PHOX2B: variants seen among roughly 807,000 people sequenced by gnomAD.
The protein encoded by PHOX2B is paired mesoderm homeobox protein 2B.
PHOX2B carries 1 observed loss-of-function variant against 15.5 expected under a neutral mutation model. That is an observed-to-expected ratio of 0.06 (90% CI 0.02 to 0.31). PHOX2B has a LOEUF of 0.31. Among genes scored for constraint, PHOX2B ranks in the 10% least tolerant of loss-of-function variants. PHOX2B has a pLI of 1.00. For synonymous variants in PHOX2B, 206 were observed against 190.5 expected (o/e 1.08, Z -0.67); for missense variants, 314 against 436.4 (o/e 0.72, Z 2.50).
At position 41,746,072 on chromosome 4, in the gene PHOX2B, G is replaced by T. The variant is rs779913205; in HGVS notation, c.680C>A (p.Ala227Glu). Residue 227 changes from alanine (A) to glutamate (E), a missense_variant, in exon 3 of 3, where the codon GCG becomes GAG. Physicochemically the swap from Ala to Glu is moderately radical, Grantham distance 107. This residue lies in a region of PHOX2B where 157 missense variants were observed against 169.0 expected (regional missense o/e 0.93). Transcript: ENST00000226382. ...TTCGCCTCCCGGGCCCCCGGGCCCC[G>T]CCGCCCCCGGAGCTCCAGCCGGGCT... ...GPSPAGAPGA[A>E]GPGGPGGEPG... is the part of the protein sequence containing the mutation. 2 of 1,429,066 alleles carry T rather than the reference G, an allele frequency of 1.4e-6. No homozygotes were observed. Among genetic ancestry groups the T allele is most frequent in the East Asian group, 2.8e-5 (1 of 35,152 alleles). The allele number at this position is 1,429,066 out of a possible 1,614,324, so 88.5% of individuals were successfully genotyped here.
Position 41,745,708 on chromosome 4 carries a change from C to G in PHOX2B, c.*99G>C. 2.8e-6 allele frequency: 4 copies of G among 1,438,346 alleles called. No homozygotes were observed. Among genetic ancestry groups the G allele is most frequent in the Non-Finnish European group, 3.7e-6 (4 of 1,073,512 alleles). The allele number at this position is 1,438,346 out of a possible 1,614,324, so 89.1% of individuals were successfully genotyped here. ...CTCAATGAAAAAGCCATGGCAGCAGCGACGACAATAGCCTTGGGCCTACCC... is the reference window on the plus strand; with the variant it reads ...CTCAATGAAAAAGCCATGGCAGCAGGGACGACAATAGCCTTGGGCCTACCC... On this transcript the variant is annotated 3_prime_UTR_variant, in exon 3 of 3. Transcript: ENST00000226382. This position sits in a 1 kb window ranked among gnomAD's most constrained non-coding sequence, Gnocchi z 4.0.
rs118046131 is a variant in PHOX2B at position 41,744,681 on chromosome 4, G to C, written c.*1126C>G. The C allele has an allele frequency of 2.9e-3, 676 of 233,534 alleles. 15 individuals carry two copies. In the East Asian group the frequency reaches 0.039, roughly 13 times the overall value. The allele number at this position is 233,534 out of a possible 1,614,324, so 14.5% of individuals were successfully genotyped here. ...GATCATTCCAACAGAAATGCAAACC[G>C]AGACACCCCTGCAAACGTGTGTGTG... On this transcript the variant is annotated 3_prime_UTR_variant, in exon 3 of 3. Coordinates refer to ENST00000226382, the MANE Select transcript of PHOX2B (RefSeq NM_003924.4).
intron 2 of PHOX2B, among the ~76,000 whole-genome samples, chr4:41,746,785 G>T (rs1004485085): frequency 1.3e-5 from 2 of 152,164 alleles, no homozygotes; most frequent in Non-Finnish European, 2.9e-5. Context: ...GCGATGGTGC[G>T]CACCGCTTCT....
At chr4:41,747,638 C>T (rs758772402) in intron 1 of PHOX2B, 102 bp from the exon 2 acceptor site, 2 of 945,080 alleles carry the variant, frequency 2.1e-6, no homozygotes, top group East Asian at 4.8e-5. Flanking sequence ...ATACGGCAGC[C>T]GCTACCTACA....
chr4:41,747,819 GA>G, intron 1 of PHOX2B: 1 of 615,980 alleles, frequency 1.6e-6, no homozygotes, highest in South Asian at 1.6e-5. Context: ...CTTTCAGCAG[GA>G]AAAAACCAGA....
Position 41,746,002 on chromosome 4 carries a change from C to G in PHOX2B, c.750G>C (p.Ala250=). The change falls in exon 3 of 3, where the codon GCG becomes GCC. Residue 250 remains alanine (A), a synonymous_variant. Transcript: ENST00000226382. ...CCGCCGCTGCCGCTGCCGCCGCCGC[C>G]GCTGCCGCGGCCGCCGCCGCTGCTG... The part of the protein sequence containing the change: ...GAAAAAAAAA[A]AAAAAAAAAA... 6 of 1,161,826 alleles carry G rather than the reference C, an allele frequency of 5.2e-6. No individual in the cohort carries two copies. The highest frequency in any genetic ancestry group is 4.1e-5 in the East Asian group (1 of 24,108). 72.0% of individuals were successfully genotyped at this position (1,161,826 alleles called of 1,614,324 possible). A position where few individuals can be genotyped will look rare whatever the true frequency, so the allele number is the denominator to read the frequency against.
Position 41,747,656 on chromosome 4 carries a change from G to A in PHOX2B, c.242-120C>T, listed in dbSNP as rs773084544. The A allele has an allele frequency of 9.3e-5, 76 of 813,812 alleles. No individual in the cohort carries two copies. The African/African-American group carries it at 1.1e-3, about 12-fold the overall frequency. 50.4% of individuals were successfully genotyped at this position (813,812 alleles called of 1,614,324 possible). A position where few individuals can be genotyped will look rare whatever the true frequency, so the allele number is the denominator to read the frequency against. On this transcript the variant is annotated intron_variant, in intron 1 of 2. Coordinates refer to ENST00000226382, the MANE Select transcript of PHOX2B (RefSeq NM_003924.4). ...CGGCAGCCGCTACCTACACCCGCGC[G>A]AGAGAGTTGCCGAGAGAAGCTGCGG...
Position 41,744,329 on chromosome 4 carries a change from C to T in PHOX2B, c.*1478G>A, listed in dbSNP as rs1733818821. The T allele has an allele frequency of 4.4e-6, 1 of 228,974 alleles. No individual in the cohort carries two copies. The allele number at this position is 228,974 out of a possible 1,614,324, so 14.2% of individuals were successfully genotyped here. ...ATATATACCATTGTCTGAACCGTGGCCTCTCTAAACACAAAAGATTGAACC... is the reference window on the plus strand; with the variant it reads ...ATATATACCATTGTCTGAACCGTGGTCTCTCTAAACACAAAAGATTGAACC... On this transcript the variant is annotated 3_prime_UTR_variant, in exon 3 of 3. Coordinates refer to ENST00000226382, the MANE Select transcript of PHOX2B (RefSeq NM_003924.4).
At position 41,745,712 on chromosome 4, in the gene PHOX2B, G is replaced by C; in HGVS notation, c.*95C>G. ...ATGAAAAAGCCATGGCAGCAGCGAC[G>C]ACAATAGCCTTGGGCCTACCCGCTC... On this transcript the variant is annotated 3_prime_UTR_variant, in exon 3 of 3. Coordinates refer to ENST00000226382, the MANE Select transcript of PHOX2B (RefSeq NM_003924.4). The surrounding 1 kb of genome is among the most constrained non-coding windows in gnomAD (Gnocchi z 4.0). 9 of 1,461,108 alleles carry C rather than the reference G, an allele frequency of 6.2e-6. No individual in the cohort carries two copies. The highest frequency in any genetic ancestry group is 8.3e-6 in the Non-Finnish European group (9 of 1,090,412). The allele number at this position is 1,461,108 out of a possible 1,614,324, so 90.5% of individuals were successfully genotyped here.
chr4:41,747,913 T>G (rs752841967), intron 1 of PHOX2B, among the ~76,000 whole-genome samples: 1 of 152,068 alleles, frequency 6.6e-6, no homozygotes, highest in Non-Finnish European at 1.5e-5. Context: ...TGGGAACTTT[T>G]CAATTCTCAG....
chr4:41,745,978 C>G lies in PHOX2B; in HGVS notation c.774G>C (p.Ala258=), dbSNP rs1733875411. ...AAAAAAAAAA[A]AAGGLAAAGG... ...CAGCCGCAGCCAGGCCTCCAGCTGCCGCCGCTGCCGCTGCCGCCGCCGCCG... is the reference window on the plus strand; with the variant it reads ...CAGCCGCAGCCAGGCCTCCAGCTGCGGCCGCTGCCGCTGCCGCCGCCGCCG... Residue 258 remains alanine (A), a synonymous_variant, in exon 3 of 3, where the codon GCG becomes GCC. Transcript: ENST00000226382. This position sits in a 1 kb window ranked among gnomAD's most constrained non-coding sequence, Gnocchi z 4.0. The G allele has an allele frequency of 7.8e-7, 1 of 1,284,480 alleles. No homozygotes were observed. The allele number at this position is 1,284,480 out of a possible 1,614,324, so 79.6% of individuals were successfully genotyped here.
chr4:41,747,328 T>C (rs1310193755), intron 2 of PHOX2B, 21 bp downstream of exon 2: 1 of 1,595,898 alleles, frequency 6.3e-7, no homozygotes, highest in Non-Finnish European at 8.5e-7. Flanking sequence ...CGGAGCGGGG[T>C]CGGTTTCCAG....
Position 41,745,952 on chromosome 4 carries a change from C to T in PHOX2B, c.800G>A (p.Gly267Glu). 1 of 1,454,708 alleles carries T rather than the reference C, an allele frequency of 6.9e-7. No homozygotes were observed. Among genetic ancestry groups the T allele is most frequent in the Non-Finnish European group, 9.1e-7 (1 of 1,097,950 alleles). The allele number at this position is 1,454,708 out of a possible 1,614,324, so 90.1% of individuals were successfully genotyped here. A position where few individuals can be genotyped will look rare whatever the true frequency, so the allele number is the denominator to read the frequency against. The change falls in exon 3 of 3, where the codon GGG (glycine) becomes GAG (glutamate). Residue 267 changes from glycine (G) to glutamate (E), a missense_variant. Gly to Glu is a moderately conservative substitution (Grantham distance 98, BLOSUM62 -2). Around this residue, in one of 7 missense-constraint regions of PHOX2B, gnomAD observed 157 missense variants for 169.0 expected, o/e 0.93. Coordinates refer to ENST00000226382, the MANE Select transcript of PHOX2B (RefSeq NM_003924.4). This position sits in a 1 kb window ranked among gnomAD's most constrained non-coding sequence, Gnocchi z 4.0. The stretch of plus-strand genomic sequence containing the variant: ...GGGAGCCCAGCCTTGTCCAGGGCCC[C>T]CAGCCGCAGCCAGGCCTCCAGCTGC... ...AAAAGGLAAAGGPGQGWAPGP... is the reference protein window; with the variant it reads ...AAAAGGLAAAEGPGQGWAPGP...
At position 41,748,572 on chromosome 4, in the gene PHOX2B, G is replaced by A. The variant is rs748767112; in HGVS notation, c.39C>T (p.Ala13=). ...CCATCCCAGCCATACAGGACTCGTA[G>A]GCAGAGGAATTGAGGTAAGAATATT... ...KMEYSYLNSS[A]YESCMAGMDT... is the part of the protein sequence containing the mutation. Residue 13 remains alanine (A), a synonymous_variant, in exon 1 of 3, where the codon GCC becomes GCT. Transcript: ENST00000226382. 32 of 1,613,206 alleles carry A rather than the reference G, an allele frequency of 2.0e-5. No homozygotes were observed. Among genetic ancestry groups the A allele is most frequent in the Non-Finnish European group, 2.5e-5 (30 of 1,179,224 alleles).
Position 41,745,686 on chromosome 4 carries a change from A to C in PHOX2B, c.*121T>G. On this transcript the variant is annotated 3_prime_UTR_variant, in exon 3 of 3. Coordinates refer to ENST00000226382, the MANE Select transcript of PHOX2B (RefSeq NM_003924.4). This position sits in a 1 kb window ranked among gnomAD's most constrained non-coding sequence, Gnocchi z 4.0. The stretch of plus-strand genomic sequence containing the variant: ...CTTAGCGCGATTACTTTAGGCCCTC[A>C]ATGAAAAAGCCATGGCAGCAGCGAC... 2 of 1,299,250 alleles carry C rather than the reference A, an allele frequency of 1.5e-6. No individual in the cohort carries two copies. The highest frequency in any genetic ancestry group is 5.3e-5 in the East Asian group (2 of 37,586). 80.5% of individuals were successfully genotyped at this position (1,299,250 alleles called of 1,614,324 possible). A position where few individuals can be genotyped will look rare whatever the true frequency, so the allele number is the denominator to read the frequency against.
Position 41,747,367 on chromosome 4 carries a change from G to A in PHOX2B, c.411C>T (p.Leu137=), listed in dbSNP as rs749727192. 7 of 1,607,792 alleles carry A rather than the reference G, an allele frequency of 4.4e-6. No homozygotes were observed. The highest frequency in any genetic ancestry group is 1.3e-5 in the African/African-American group (1 of 74,914). The part of the protein sequence containing the change: ...TREELALKID[L]TEARVQVWFQ... ...CGCGTACCTGGACTCGCGCCTCTGTGAGGTCGATCTTCAGGGCCAGCTCCT... is the reference window on the plus strand; with the variant it reads ...CGCGTACCTGGACTCGCGCCTCTGTAAGGTCGATCTTCAGGGCCAGCTCCT... The change falls in exon 2 of 3, where the codon CTC becomes CTT. Residue 137 remains leucine (L), a synonymous_variant. Transcript: ENST00000226382.
chr4:41,747,845 A>C, intron 1 of PHOX2B: 1 of 572,310 alleles, frequency 1.7e-6, no homozygotes, highest in East Asian at 3.7e-5. Context: ...AAAAAAATCC[A>C]AAAACATCAG....
In PHOX2B at chr4:41,745,316, G is replaced by C; in HGVS notation, c.*491C>G. 4.3e-6 allele frequency: 1 copy of C among 233,918 alleles called. No homozygotes were observed. Among genetic ancestry groups the C allele is most frequent in the Non-Finnish European group, 8.4e-6 (1 of 118,470 alleles). 14.5% of individuals were successfully genotyped at this position (233,918 alleles called of 1,614,324 possible). ...GTTGTTGGCTTTTTGTTTTTTAATG[G>C]TTTCTGCCTTCCAACTTTTTTGTTT... is the stretch of plus-strand genomic sequence containing the variant. On this transcript the variant is annotated 3_prime_UTR_variant, in exon 3 of 3. Coordinates refer to ENST00000226382, the MANE Select transcript of PHOX2B (RefSeq NM_003924.4). The surrounding 1 kb of genome is among the most constrained non-coding windows in gnomAD (Gnocchi z 4.0).
chr4:41,746,970 A>G (rs964519231), intron 2 of PHOX2B, among the ~76,000 whole-genome samples: 3 of 151,596 alleles, frequency 2.0e-5, no homozygotes, highest in Admixed American at 6.6e-5. Flanking sequence ...CCAGGTTAAA[A>G]GCACTTGAGT....
Sources: allele counts gnomAD v4.1 joint callset (sites outside exome capture counted in the v4.1 genomes callset), GRCh38; gene constraint gnomAD v4.1.1; regional missense constraint gnomAD v4.1.1; non-coding constraint Gnocchi (gnomAD v3.1); transcripts MANE v1.5; gene names NCBI Gene and HGNC (gene_info 2026-07-23, HGNC 2026-07-21).